The following CASC3 variants were observed in gnomAD, a reference collection of about 807,000 sequenced individuals.
CASC3 encodes protein CASC3.
In CASC3, 30 loss-of-function variants were observed where a neutral mutation model predicts 80.5. The observed-to-expected ratio is 0.37, with a 90% CI of 0.28 to 0.51. The LOEUF (loss-of-function observed/expected upper bound fraction) is 0.51. CASC3 is among the 20% of genes least tolerant of loss of function. The probability of loss-of-function intolerance (pLI) is 0.94; values close to 1 mark genes in which losing one functional copy is unlikely to be tolerated. For synonymous variants in CASC3, 312 were observed against 333.6 expected, an observed-to-expected ratio of 0.94 and a Z score of 0.70; for missense variants, 824 against 922.2, an observed-to-expected ratio of 0.89 and a Z score of 1.38.
intron 3 of CASC3, among the ~76,000 whole-genome samples, chr17:40,148,208 G>A (rs1731132418): frequency 6.6e-6 from 1 of 152,014 alleles, no homozygotes; most frequent in South Asian, 2.1e-4. Flanking sequence ...GAGATTTGTT[G>A]CTTTTGTTCC....
In CASC3 at chr17:40,169,322, A is replaced by G; in HGVS notation, c.1966-2A>G. ...TTCTTCTCCTGGCTTGTGGGGTCCC[A>G]GGCCCCATCACAGGTATATGGAGGA... On this transcript the variant is annotated splice_acceptor_variant, in intron 11 of 13. Coordinates refer to ENST00000264645, the MANE Select transcript of CASC3 (RefSeq NM_007359.5). LOFTEE classifies it high-confidence loss of function. 1 of 1,578,974 alleles carries G rather than the reference A, an allele frequency of 6.3e-7. No individual in the cohort carries two copies. Among genetic ancestry groups the G allele is most frequent in the Non-Finnish European group, 8.6e-7 (1 of 1,164,982 alleles).
chr17:40,162,960 C>T (rs565666317), intron 6 of CASC3, 59 bp downstream of exon 6: 12 of 1,489,768 alleles, frequency 8.1e-6, no homozygotes, highest in Middle Eastern at 1.8e-4. Context: ...GTGGCTTACA[C>T]CTGGAATCCC....
rs1349888954 is a variant in CASC3 at position 40,140,770 on chromosome 17, G to A, written c.222G>A (p.Glu74=). 2 of 1,489,160 alleles carry A rather than the reference G, an allele frequency of 1.3e-6. No homozygotes were observed. The highest frequency in any genetic ancestry group is 1.8e-6 in the Non-Finnish European group (2 of 1,120,612). The allele number at this position is 1,489,160 out of a possible 1,614,324, so 92.2% of individuals were successfully genotyped here. A position where few individuals can be genotyped will look rare whatever the true frequency, so the allele number is the denominator to read the frequency against. Residue 74 remains glutamate (E), a synonymous_variant, in exon 1 of 14, where the codon GAG becomes GAA. Coordinates refer to ENST00000264645, the MANE Select transcript of CASC3 (RefSeq NM_007359.5). Reference sequence around the variant, plus strand: ...GCGGGGGCGCCAAGAGTGCTGAGGAGTCGGAGTGTGTGAGTGCGCGCAGGC... The same window carrying A: ...GCGGGGGCGCCAAGAGTGCTGAGGAATCGGAGTGTGTGAGTGCGCGCAGGC... ...VESGGAKSAE[E]SECESEDGIE...
At chr17:40,141,757 T>TAAAGTGAACAAGACCTTC in intron 3 of CASC3, 150 bp downstream of exon 3, 1 of 746,146 alleles carries the variant, frequency 1.3e-6, no homozygotes. Context: ...ACAGAAGGTC[T>TAAAGTGAACAAGACCTTC]TGTTCACTTT....
intron 3 of CASC3, among the ~76,000 whole-genome samples, chr17:40,143,627 T>G (rs1183767550): frequency 6.6e-6 from 1 of 151,440 alleles, no homozygotes; most frequent in African/African-American, 2.4e-5. Context: ...GTCAAGAGAT[T>G]GAGACCATCC....
intron 3 of CASC3, among the ~76,000 whole-genome samples, chr17:40,145,476 AT>A (rs1392952237): frequency 6.6e-6 from 1 of 151,948 alleles, no homozygotes; most frequent in Admixed American, 6.6e-5. Context: ...CTGGCCCAAA[AT>A]TTTTTTAAAA....
chr17:40,163,714 G>C lies in CASC3; in HGVS notation c.1019G>C (p.Gly340Ala). Residue 340 changes from glycine (G) to alanine (A), a missense_variant, in exon 7 of 14, where the codon GGT becomes GCT. Physicochemically the swap from Gly to Ala is moderately conservative, Grantham distance 60. Coordinates refer to ENST00000264645, the MANE Select transcript of CASC3 (RefSeq NM_007359.5). ...GGTGGGCAGCATGGTGGCCGGTCTG[G>C]TGAGACTGTTAAGCATGAGATTAGT... is the stretch of plus-strand genomic sequence containing the variant. ...EAGGQHGGRS[G>A]ETVKHEISYR... 1.2e-6 allele frequency: 2 copies of C among 1,614,160 alleles called. No individual in the cohort carries two copies. The highest frequency in any genetic ancestry group is 8.5e-7 in the Non-Finnish European group (1 of 1,180,024).
intron 3 of CASC3, 23 bp downstream of exon 3, chr17:40,141,630 T>C (rs756942193): frequency 6.3e-7 from 1 of 1,595,936 alleles, no homozygotes; most frequent in Non-Finnish European, 8.6e-7. Context: ...GGTTTTTTCC[T>C]ATGGTATAGA....
chr17:40,158,192 C>G (rs1437280521), intron 3 of CASC3, among the ~76,000 whole-genome samples: 3 of 152,190 alleles, frequency 2.0e-5, no homozygotes, highest in Non-Finnish European at 4.4e-5. Flanking sequence ...CAGGCTGACT[C>G]AGCTCTATTT....
rs558372700 is a variant in CASC3, at chr17:40,144,365, G to C, written c.297+2758G>C. On this transcript the variant is annotated intron_variant, in intron 3 of 13. Coordinates refer to ENST00000264645, the MANE Select transcript of CASC3 (RefSeq NM_007359.5). ...TTTTTCTTTTTTTTTTTTTGCTTGA[G>C]ATGGAGTCTTGCTCTGTAACCCAGG... Among the ~76,000 whole-genome samples the C allele has an allele frequency of 3.4e-5, 5 of 147,812 alleles. No homozygotes were observed. In the East Asian group the frequency reaches 9.8e-4, roughly 29 times the overall value.
chr17:40,145,864 C>T (rs1988848373), intron 3 of CASC3, among the ~76,000 whole-genome samples: 1 of 151,982 alleles, frequency 6.6e-6, no homozygotes, highest in Non-Finnish European at 1.5e-5. Flanking sequence ...CTCCTGACCT[C>T]AAGTGATCTG....
intron 6 of CASC3, 117 bp from the exon 7 acceptor site, chr17:40,163,364 G>A (rs1248879326): frequency 3.8e-6 from 3 of 792,544 alleles, no homozygotes; most frequent in Admixed American, 5.5e-5. Context: ...TGAACTCCTG[G>A]CCTCAAGTGA....
chr17:40,163,752 C>T lies in CASC3; in HGVS notation c.1057C>T (p.Arg353Cys), dbSNP rs753905501. ...VKHEISYRSRRLEQTSVRDPS... is the reference protein window; with the variant it reads ...VKHEISYRSRCLEQTSVRDPS... ...GCATGAGATTAGTTACCGGTCACGGCGCCTAGAGCAGACTTCTGTGAGGGA... is the reference window on the plus strand; with the variant it reads ...GCATGAGATTAGTTACCGGTCACGGTGCCTAGAGCAGACTTCTGTGAGGGA... Residue 353 changes from arginine to cysteine, a missense_variant, in exon 7 of 14, where the codon CGC becomes TGC. Physicochemically the swap from Arg to Cys is radical, Grantham distance 180 (BLOSUM62 -3). Coordinates refer to ENST00000264645, the MANE Select transcript of CASC3 (RefSeq NM_007359.5). 1.7e-5 allele frequency: 28 copies of T among 1,613,998 alleles called. No homozygotes were observed. Among genetic ancestry groups the T allele is most frequent in the South Asian group, 3.3e-5 (3 of 91,086 alleles).
intron 3 of CASC3, among the ~76,000 whole-genome samples, chr17:40,149,287 CTTTT>C (rs763018937): frequency 1.5e-5 from 2 of 129,812 alleles, no homozygotes. Flanking sequence ...TCCAAGAATT[CTTTT>C]TTTTTTTTTT....
chr17:40,141,237 G>A lies in CASC3; in HGVS notation c.259+3G>A. Reference sequence around the variant, plus strand: ...TGAAGATGGCATTGAAGGTGATGGTGAGTAGCATCTTTTACCCCATTAGGA... The same window carrying A: ...TGAAGATGGCATTGAAGGTGATGGTAAGTAGCATCTTTTACCCCATTAGGA... On this transcript the variant is annotated splice_donor_region_variant and intron_variant, in intron 2 of 13. Transcript: ENST00000264645. 3.1e-6 allele frequency: 5 copies of A among 1,613,358 alleles called. No individual in the cohort carries two copies. The highest frequency in any genetic ancestry group is 4.2e-6 in the Non-Finnish European group (5 of 1,179,300).
At chr17:40,162,566 T>G (rs1430273683) in intron 5 of CASC3, among the ~76,000 whole-genome samples, 159 bp from the exon 6 acceptor site, 1 of 152,180 alleles carries the variant, frequency 6.6e-6, no homozygotes, top group Non-Finnish European at 1.5e-5. Flanking sequence ...TGATTCACGC[T>G]TGCTTTGGGG....
chr17:40,142,915 A>G lies in CASC3; in HGVS notation c.297+1308A>G, dbSNP rs185687652. ...GACTCCGTCTCAAAAAAAAAAACCC[A>G]TCTCTACTAAAAAATACAAAAATTA... On this transcript the variant is annotated intron_variant, in intron 3 of 13. Transcript: ENST00000264645. Among the ~76,000 whole-genome samples, 50 of 151,138 alleles carry G rather than the reference A, an allele frequency of 3.3e-4. No individual in the cohort carries two copies. The East Asian group carries it at 8.4e-3, about 25-fold the overall frequency.
chr17:40,163,036 C>G, intron 6 of CASC3, 135 bp downstream of exon 6: 2 of 506,182 alleles, frequency 4.0e-6, no homozygotes, highest in Non-Finnish European at 6.7e-6. Context: ...GCCTGGGGAA[C>G]ATAGTGAGAC....
intron 3 of CASC3, among the ~76,000 whole-genome samples, chr17:40,145,196 G>A (rs867751735): frequency 2.0e-5 from 3 of 147,982 alleles, no homozygotes; most frequent in Admixed American, 6.9e-5. Flanking sequence ...TTTTTAAGAC[G>A]GAGTCTCATT....
Sources: gnomAD v4.1 joint callset for allele counts (sites outside exome capture counted in the v4.1 genomes callset) on GRCh38, gnomAD v4.1.1 for gene constraint, MANE v1.5 for transcripts, NCBI Gene and HGNC (gene_info 2026-07-23, HGNC 2026-07-21) for gene names.